The following CYB5A variants were observed in gnomAD, a reference collection of about 807,000 sequenced individuals.
The protein encoded by CYB5A is cytochrome b5 type A.
CYB5A carries 10 observed loss-of-function variants against 16.2 expected under a neutral mutation model. The observed-to-expected ratio is 0.62, with a 90% CI of 0.38 to 1.04. The LOEUF (loss-of-function observed/expected upper bound fraction) is 1.04. Ranked by LOEUF, CYB5A falls within the 50% of genes least tolerant of loss-of-function variation. CYB5A has a pLI of 0.01. For missense variants in CYB5A, 161 were observed against 165.9 expected (o/e 0.97, Z 0.16); for synonymous variants, 62 against 57.0 (o/e 1.09, Z -0.40).
chr18:74,266,371 G>A (rs920391619), intron 1 of CYB5A, among the ~76,000 whole-genome samples: 5 of 152,170 alleles, frequency 3.3e-5, no homozygotes, highest in African/African-American at 9.7e-5. Flanking sequence ...AGGAGCTGCC[G>A]TAACTTTTGA....
intron 1 of CYB5A, among the ~76,000 whole-genome samples, chr18:74,269,902 A>G (rs1013582742): frequency 6.6e-6 from 1 of 152,134 alleles, no homozygotes; most frequent in African/African-American, 2.4e-5. Flanking sequence ...CTGGGAAAGG[A>G]TCATGCTTGC....
chr18:74,261,421 G>C (rs1055681597), intron 2 of CYB5A: 7 of 199,248 alleles, frequency 3.5e-5, no homozygotes, highest in South Asian at 9.2e-5. Flanking sequence ...GTGTTTAAAG[G>C]CTGGCCAGGG....
chr18:74,257,253 A>G (rs1260502549), intron 3 of CYB5A: 1 of 261,804 alleles, frequency 3.8e-6, no homozygotes, highest in East Asian at 9.9e-5. Flanking sequence ...CTTTGTGGTT[A>G]CCATGGGAGA....
chr18:74,284,839 G>A (rs888495), intron 1 of CYB5A, among the ~76,000 whole-genome samples: 5,905 of 152,128 alleles, frequency 0.039, 413 homozygotes, highest in African/African-American at 0.14. Context: ...AGAATTCTAC[G>A]GATGTAAGAA....
intron 1 of CYB5A, among the ~76,000 whole-genome samples, chr18:74,288,287 T>C (rs1983394138): frequency 6.6e-6 from 1 of 152,146 alleles, no homozygotes. Flanking sequence ...CTTCTCAACA[T>C]GAACACGGAC....
At chr18:74,253,719 C>A in intron 4 of CYB5A, 54 bp from the exon 5 acceptor site, 1 of 1,276,010 alleles carries the variant, frequency 7.8e-7, no homozygotes, top group South Asian at 1.2e-5. Flanking sequence ...GTGGTGGACT[C>A]AAAATCTTTG....
intron 1 of CYB5A, among the ~76,000 whole-genome samples, chr18:74,283,699 C>CT (rs1983206066): frequency 1.3e-5 from 2 of 152,166 alleles, no homozygotes; most frequent in African/African-American, 4.8e-5. Flanking sequence ...GTGGGATGCA[C>CT]TTTTGCTTTT....
intron 1 of CYB5A, among the ~76,000 whole-genome samples, chr18:74,273,699 G>A (rs1256561753): frequency 6.6e-6 from 1 of 152,226 alleles, no homozygotes; most frequent in African/African-American, 2.4e-5. Context: ...CTCAATGCAG[G>A]TGGGATTCAC....
At chr18:74,257,522 T>A (rs1788618) in intron 3 of CYB5A, 12,470 of 152,500 alleles carry the variant, frequency 0.082, 1,250 homozygotes, top group African/African-American at 0.23. Context: ...ATGTCAGCAA[T>A]GAACAAGGAG....
At chr18:74,278,202 C>T (rs547862875) in intron 1 of CYB5A, among the ~76,000 whole-genome samples, 66 of 152,198 alleles carry the variant, frequency 4.3e-4, no homozygotes, top group Admixed American at 3.1e-3. Flanking sequence ...GAACGCAGGC[C>T]GCCTGACTCC....
chr18:74,280,609 A>G (rs998451868), intron 1 of CYB5A, among the ~76,000 whole-genome samples: 1 of 151,640 alleles, frequency 6.6e-6, no homozygotes, highest in African/African-American at 2.4e-5. Context: ...TACATTTTAT[A>G]TTTAGATCTA....
chr18:74,275,555 G>C (rs1461769099), intron 1 of CYB5A, among the ~76,000 whole-genome samples: 1 of 152,162 alleles, frequency 6.6e-6, no homozygotes, highest in East Asian at 1.9e-4. Flanking sequence ...AGTTATTAGA[G>C]GATCTCCTGA....
At chr18:74,266,923 T>C (rs138011946) in intron 1 of CYB5A, among the ~76,000 whole-genome samples, 47 of 152,064 alleles carry the variant, frequency 3.1e-4, no homozygotes, top group African/African-American at 1.1e-3. Flanking sequence ...TAATAATTGG[T>C]AGGAAAATCA....
intron 1 of CYB5A, among the ~76,000 whole-genome samples, chr18:74,277,871 C>T (rs568303410): frequency 6.6e-6 from 1 of 152,286 alleles, no homozygotes; most frequent in Admixed American, 6.5e-5. Flanking sequence ...CTTGGGTCTC[C>T]AGTGAGAAAT....
At position 74,274,754 on chromosome 18, in the gene CYB5A, T is replaced by G. The variant is rs141508166; in HGVS notation, c.130-11277A>C. Among the ~76,000 whole-genome samples the G allele has an allele frequency of 6.4e-3, 974 of 152,326 alleles. 10 individuals carry two copies. Among genetic ancestry groups the G allele is most frequent in the African/African-American group, 0.022 (911 of 41,580 alleles). On this transcript the variant is annotated intron_variant, in intron 1 of 4. Transcript: ENST00000340533. ...AATAACTAGGTCAAATGAGATTGTC[T>G]TAAGCTTGATACAGAATAATATTTT...
intron 4 of CYB5A, 74 bp downstream of exon 4, chr18:74,255,667 G>GT: frequency 7.9e-7 from 1 of 1,258,692 alleles, no homozygotes; most frequent in South Asian, 1.2e-5. Context: ...CAGAAGGTGG[G>GT]GGACGCACCT....
At chr18:74,278,279 G>A (rs1982960272) in intron 1 of CYB5A, among the ~76,000 whole-genome samples, 2 of 152,146 alleles carry the variant, frequency 1.3e-5, no homozygotes, top group Admixed American at 1.3e-4. Flanking sequence ...TGCTAACAGG[G>A]GTCTAAGTCC....
intron 3 of CYB5A, chr18:74,259,642 C>G (rs146295049): frequency 6.6e-6 from 1 of 152,100 alleles, no homozygotes; most frequent in Non-Finnish European, 1.5e-5. Context: ...GAATCTTAAA[C>G]CTTTGTTTTG....
chr18:74,264,524 G>A lies in CYB5A; in HGVS notation c.130-1047C>T, dbSNP rs112698106. Reference sequence around the variant, plus strand: ...CACTTCCCTCTGGAAAGCACCCTGCGTGCCGGCAATGCACGGGCAGCACAG... The same window carrying A: ...CACTTCCCTCTGGAAAGCACCCTGCATGCCGGCAATGCACGGGCAGCACAG... On this transcript the variant is annotated intron_variant, in intron 1 of 4. Coordinates refer to ENST00000340533, the MANE Select transcript of CYB5A (RefSeq NM_148923.4). Among the ~76,000 whole-genome samples the A allele has an allele frequency of 6.4e-3, 979 of 152,292 alleles. 11 individuals carry two copies. Among genetic ancestry groups the A allele is most frequent in the African/African-American group, 0.021 (877 of 41,550 alleles).
Sources: gnomAD v4.1 joint callset for allele counts (sites outside exome capture counted in the v4.1 genomes callset) on GRCh38, gnomAD v4.1.1 for gene constraint, MANE v1.5 for transcripts, NCBI Gene and HGNC (gene_info 2026-07-23, HGNC 2026-07-21) for gene names.